The following SFSWAP variants were observed in gnomAD, a reference collection of about 807,000 sequenced individuals.
SFSWAP encodes the protein splicing factor SWAP, also known as splicing factor, suppressor of white-apricot homolog.
Under a neutral mutation model 100.7 loss-of-function variants are expected in SFSWAP, and 17 were observed. That is an observed-to-expected ratio of 0.17 (90% CI 0.12 to 0.25). The LOEUF is 0.25. SFSWAP is among the 10% of genes least tolerant of loss of function. The pLI, the probability that SFSWAP is intolerant of heterozygous loss-of-function variation, is 1.00. For synonymous variants in SFSWAP, 504 were observed against 510.1 expected (o/e 0.99, Z 0.16); for missense variants, 1,005 against 1,262.6 (o/e 0.80, Z 3.09).
rs768003480 is a variant in SFSWAP, at chr12:131,778,323, C to T, written c.2401C>T (p.Arg801Trp). The T allele has an allele frequency of 5.6e-6, 9 of 1,612,184 alleles. No homozygotes were observed. Among genetic ancestry groups the T allele is most frequent in the Admixed American group, 5.0e-5 (3 of 59,758 alleles). Reference sequence around the variant, plus strand: ...TCCCAGTGCCTATCGGACAGTGCGGCGGTCGAGGTGGGTGTGAAGGGGGCA... The same window carrying T: ...TCCCAGTGCCTATCGGACAGTGCGGTGGTCGAGGTGGGTGTGAAGGGGGCA... ...SLPSAYRTVRRSRSRSRSPRR... is the reference protein window; with the variant it reads ...SLPSAYRTVRWSRSRSRSPRR... Residue 801 changes from arginine (R) to tryptophan (W), a missense_variant, in exon 14 of 18, where the codon CGG becomes TGG. Arg to Trp is a moderately radical substitution (Grantham distance 101). Transcript: ENST00000261674. The surrounding 1 kb of genome is among the most constrained non-coding windows in gnomAD (Gnocchi z 4.2).
At chr12:131,776,688 G>C (rs1484405363) in intron 13 of SFSWAP, among the ~76,000 whole-genome samples, 1 of 152,254 alleles carries the variant, frequency 6.6e-6, no homozygotes, top group East Asian at 1.9e-4. Flanking sequence ...TCCCCGGGGA[G>C]CAGCTGGGGG....
At chr12:131,761,487 G>C (rs2136233856) in intron 11 of SFSWAP, among the ~76,000 whole-genome samples, 1 of 152,318 alleles carries the variant, frequency 6.6e-6, no homozygotes, top group African/African-American at 2.4e-5. Context: ...GAGGCATCGT[G>C]GGGGCCGATC....
chr12:131,753,885 G>A (rs925819072), intron 8 of SFSWAP, among the ~76,000 whole-genome samples: 6 of 152,294 alleles, frequency 3.9e-5, no homozygotes, highest in African/African-American at 1.4e-4. Context: ...ACGAGTATGA[G>A]ACAGGCGCTT....
At chr12:131,729,968 A>C (rs1310752963) in intron 7 of SFSWAP, among the ~76,000 whole-genome samples, 3 of 152,252 alleles carry the variant, frequency 2.0e-5, no homozygotes, top group African/African-American at 7.2e-5. Flanking sequence ...AACTTTCTGC[A>C]TGTGTCCCCC....
At position 131,738,885 on chromosome 12, in the gene SFSWAP, CTT is replaced by C. The variant is rs71072785; in HGVS notation, c.1081+10480_1081+10481del. On this transcript the variant is annotated intron_variant, in intron 7 of 17. Coordinates refer to ENST00000261674, the MANE Select transcript of SFSWAP (RefSeq NM_004592.4). Reference sequence around the variant, plus strand: ...TTCCAGTGCTGTAATGAACATTATTCTTTTTTTTTTTTTTTTTTTTTTTTGAG... The same window carrying C: ...TTCCAGTGCTGTAATGAACATTATTCTTTTTTTTTTTTTTTTTTTTTTGAG... Among the ~76,000 whole-genome samples the C allele has an allele frequency of 8.5e-3, 414 of 48,728 alleles. 3 individuals are homozygous for C. The highest frequency in any genetic ancestry group is 0.027 in the South Asian group (24 of 876). 32.0% of individuals were successfully genotyped at this position (48,728 alleles called of 152,430 possible).
intron 7 of SFSWAP, among the ~76,000 whole-genome samples, chr12:131,731,901 CTTT>C (rs755819493): frequency 1.6e-4 from 9 of 55,298 alleles, no homozygotes; most frequent in Non-Finnish European, 2.0e-4. Context: ...TACTATTTTA[CTTT>C]TTTTTTTTTT....
rs114156711 is a variant in SFSWAP, at chr12:131,761,360, C to T, written c.1721-3096C>T. Among the ~76,000 whole-genome samples the T allele has an allele frequency of 7.1e-3, 1,077 of 152,346 alleles. 17 individuals are homozygous for T. The highest frequency in any genetic ancestry group is 0.024 in the African/African-American group (1,000 of 41,570). ...GGTGCCCGATGCCATGTTAGCCATG[C>T]ATCTGTCCCCGCATGGTCCCGTCCT... On this transcript the variant is annotated intron_variant, in intron 11 of 17. Transcript: ENST00000261674.
chr12:131,722,790 A>C (rs1231095118), intron 4 of SFSWAP, among the ~76,000 whole-genome samples: 1 of 152,086 alleles, frequency 6.6e-6, no homozygotes, highest in Non-Finnish European at 1.5e-5. Flanking sequence ...TCTACAAAAA[A>C]TGAAAAAAAT....
At chr12:131,767,237 C>T (rs1368772107) in intron 13 of SFSWAP, among the ~76,000 whole-genome samples, 2 of 152,256 alleles carry the variant, frequency 1.3e-5, no homozygotes, top group Non-Finnish European at 2.9e-5. Context: ...TCAGGAAACA[C>T]ATGCCTTCCG....
intron 7 of SFSWAP, among the ~76,000 whole-genome samples, chr12:131,745,135 A>C (rs1880994733): frequency 6.6e-6 from 1 of 152,220 alleles, no homozygotes; most frequent in African/African-American, 2.4e-5. Context: ...GAGCCAAATA[A>C]TAAATGCTTT....
intron 7 of SFSWAP, among the ~76,000 whole-genome samples, chr12:131,737,982 A>C (rs1880197502): frequency 6.6e-6 from 1 of 152,166 alleles, no homozygotes; most frequent in Non-Finnish European, 1.5e-5. Flanking sequence ...CTTATAGAAG[A>C]GTATAAATAA....
chr12:131,785,303 C>G, intron 14 of SFSWAP: 2 of 1,403,724 alleles, frequency 1.4e-6, no homozygotes, highest in Non-Finnish European at 9.6e-7. Context: ...CAAAACGATT[C>G]TGTCCGTTAA....
chr12:131,787,470 C>T (rs2136272656), intron 15 of SFSWAP, among the ~76,000 whole-genome samples: 1 of 152,328 alleles, frequency 6.6e-6, no homozygotes, highest in East Asian at 1.9e-4. Flanking sequence ...TCTTTCCAAG[C>T]ACAAGGAGCT....
At chr12:131,726,289 A>G (rs1399742798) in intron 5 of SFSWAP, among the ~76,000 whole-genome samples, 1 of 152,040 alleles carries the variant, frequency 6.6e-6, no homozygotes, top group African/African-American at 2.4e-5. Context: ...GGCTTACTGC[A>G]ACCTCCGCCT....
intron 16 of SFSWAP, 112 bp downstream of exon 16, chr12:131,797,472 G>T (rs1033389886): frequency 9.7e-7 from 1 of 1,027,490 alleles, no homozygotes; most frequent in East Asian, 2.6e-5. Flanking sequence ...TGTCCAGGGG[G>T]CGCCAGCCAC....
chr12:131,746,294 G>A (rs182564576), intron 7 of SFSWAP, among the ~76,000 whole-genome samples: 5 of 152,226 alleles, frequency 3.3e-5, no homozygotes, highest in African/African-American at 7.2e-5. Context: ...GAGCTGTGCC[G>A]CCTTCCTAGC....
At chr12:131,740,204 A>G (rs1347110822) in intron 7 of SFSWAP, among the ~76,000 whole-genome samples, 7 of 152,034 alleles carry the variant, frequency 4.6e-5, no homozygotes, top group African/African-American at 1.7e-4. Flanking sequence ...CATTGCTCCT[A>G]TGCTGCTCTC....
chr12:131,715,271 G>T (rs565330289), intron 3 of SFSWAP, among the ~76,000 whole-genome samples: 1 of 152,172 alleles, frequency 6.6e-6, no homozygotes, highest in African/African-American at 2.4e-5. Flanking sequence ...TCTTGAGGCA[G>T]TGAAAGAATA....
chr12:131,754,378 C>G lies in SFSWAP; in HGVS notation c.1333C>G (p.Pro445Ala). ...STTTTTSALA[P>A]VAAIIPPPPD... The stretch of plus-strand genomic sequence containing the variant: ...ACTCTTCTCCTGCAGTGCACTTGCC[C>G]CCGTGGCCGCCATCATCCCCCCGCC... The change falls in exon 9 of 18, where the codon CCC becomes GCC. Residue 445 changes from proline to alanine, a missense_variant. Physicochemically the swap from Pro to Ala is conservative, Grantham distance 27. Transcript: ENST00000261674. 6.4e-7 allele frequency: 1 copy of G among 1,571,212 alleles called. No homozygotes were observed. Among genetic ancestry groups the G allele is most frequent in the East Asian group, 2.3e-5 (1 of 42,858 alleles).
Sources: gnomAD v4.1 joint callset for allele counts (sites outside exome capture counted in the v4.1 genomes callset) on GRCh38, gnomAD v4.1.1 for gene constraint, Gnocchi (gnomAD v3.1) non-coding constraint, MANE v1.5 for transcripts, NCBI Gene and HGNC (gene_info 2026-07-23, HGNC 2026-07-21) for gene names.